PCDHGA11: variants seen among roughly 807,000 people sequenced by gnomAD.
PCDHGA11 encodes the protein protocadherin gamma subfamily A, 11, also known as protocadherin gamma-A11.
PCDHGA11 carries 39 observed loss-of-function variants against 60.4 expected under a neutral mutation model. The observed-to-expected ratio is 0.65, with a 90% CI of 0.50 to 0.84. The LOEUF (loss-of-function observed/expected upper bound fraction) is 0.84, where lower values mean the gene tolerates loss of function less well. Ranked by LOEUF, PCDHGA11 falls within the 40% of genes least tolerant of loss-of-function variation. The pLI is 0.00. For synonymous variants in PCDHGA11, 533 were observed against 510.3 expected (o/e 1.04, Z -0.60); for missense variants, 1,165 against 1,197.7 (o/e 0.97, Z 0.40).
chr5:141,490,623 T>C lies in PCDHGA11; in HGVS notation c.2434-4184T>C. The C allele has an allele frequency of 3.1e-6, 5 of 1,614,174 alleles. No individual in the cohort carries two copies. The highest frequency in any genetic ancestry group is 4.2e-6 in the Non-Finnish European group (5 of 1,180,020). ...GCTTCAACCAGCAGCTTTACACTGC[T>C]TACATCCTAGAAAACCGGCCTCCGG... On this transcript the variant is annotated intron_variant, in intron 1 of 3. Coordinates refer to ENST00000398587, the MANE Select transcript of PCDHGA11 (RefSeq NM_018914.3). This position sits in a 1 kb window ranked among gnomAD's most constrained non-coding sequence, Gnocchi z 5.4.
Position 141,491,034 on chromosome 5 carries a change from T to C in PCDHGA11, c.2434-3773T>C, listed in dbSNP as rs375902824. On this transcript the variant is annotated intron_variant, in intron 1 of 3. Coordinates refer to ENST00000398587, the MANE Select transcript of PCDHGA11 (RefSeq NM_018914.3). The surrounding 1 kb of genome is among the most constrained non-coding windows in gnomAD (Gnocchi z 6.9). The stretch of plus-strand genomic sequence containing the variant: ...CCAAGGTGACAGCCGTGGATGCTGA[T>C]GCAGGCCACAATGCGTGGCTCTCCT... 19 of 1,614,170 alleles carry C rather than the reference T, an allele frequency of 1.2e-5. No homozygotes were observed. Among genetic ancestry groups the C allele is most frequent in the East Asian group, 4.5e-5 (2 of 44,894 alleles).
intron 1 of PCDHGA11, chr5:141,433,063 G>T (rs1411651811): frequency 3.1e-6 from 5 of 1,614,176 alleles, no homozygotes; most frequent in Non-Finnish European, 4.2e-6. Flanking sequence ...AGAGTCACCT[G>T]ATCTTCCCCC....
chr5:141,429,169 T>TACACACACACACACAC (rs10667977), intron 1 of PCDHGA11: 2 of 145,394 alleles, frequency 1.4e-5, no homozygotes, highest in East Asian at 2.0e-4. Flanking sequence ...ACATTGTTTA[T>TACACACACACACACAC]ACACACACAC....
chr5:141,431,020 G>A lies in PCDHGA11; in HGVS notation c.2433+7360G>A, dbSNP rs941765907. On this transcript the variant is annotated intron_variant, in intron 1 of 3. Transcript: ENST00000398587. This position sits in a 1 kb window ranked among gnomAD's most constrained non-coding sequence, Gnocchi z 4.8. ...CGCGCAGCGGCAGCTTGGTCACGGC[G>A]GGCAGGATAGACCGGGAGGAGCTCT... The A allele has an allele frequency of 9.9e-6, 16 of 1,614,050 alleles. No homozygotes were observed. Among genetic ancestry groups the A allele is most frequent in the East Asian group, 4.5e-5 (2 of 44,886 alleles).
chr5:141,489,732 C>CA lies in PCDHGA11; in HGVS notation c.2434-5073dup, dbSNP rs770971020. On this transcript the variant is annotated intron_variant, in intron 1 of 3. Transcript: ENST00000398587. This position sits in a 1 kb window ranked among gnomAD's most constrained non-coding sequence, Gnocchi z 4.5. ...GTGCCCAGGATCCGGATGTGGGCAC[C>CA]AATACTGTGAGCTTTTACACTCTAA... 4.3e-6 allele frequency: 7 copies of CA among 1,614,008 alleles called. No individual in the cohort carries two copies. Among genetic ancestry groups the CA allele is most frequent in the Non-Finnish European group, 5.9e-6 (7 of 1,180,002 alleles).
At chr5:141,428,117 G>T in intron 1 of PCDHGA11, 2 of 1,607,102 alleles carry the variant, frequency 1.2e-6, no homozygotes, top group East Asian at 2.2e-5. Context: ...AGGCCATCGA[G>T]CCCGGGCTTT....
In PCDHGA11 at chr5:141,476,824, C is replaced by A; in HGVS notation, c.2434-17983C>A. On this transcript the variant is annotated intron_variant, in intron 1 of 3. Coordinates refer to ENST00000398587, the MANE Select transcript of PCDHGA11 (RefSeq NM_018914.3). This position sits in a 1 kb window ranked among gnomAD's most constrained non-coding sequence, Gnocchi z 7.6. Reference sequence around the variant, plus strand: ...TGCCTATTCACATCAAGGTGCTGGACGCGAATGACAATGCGCCTGTCTTCA... The same window carrying A: ...TGCCTATTCACATCAAGGTGCTGGAAGCGAATGACAATGCGCCTGTCTTCA... The A allele has an allele frequency of 1.2e-6, 2 of 1,613,588 alleles. No individual in the cohort carries two copies. The highest frequency in any genetic ancestry group is 1.7e-6 in the Non-Finnish European group (2 of 1,180,036).
intron 1 of PCDHGA11, chr5:141,427,619 C>T: frequency 1.4e-6 from 1 of 696,342 alleles, no homozygotes; most frequent in Non-Finnish European, 2.6e-6. Context: ...AAGTCAACGA[C>T]AATGCTCCGG....
rs1561856520 is a variant in PCDHGA11 at position 141,431,983 on chromosome 5, A to C, written c.2433+8323A>C. 3.1e-6 allele frequency: 5 copies of C among 1,614,242 alleles called. No homozygotes were observed. Among genetic ancestry groups the C allele is most frequent in the Non-Finnish European group, 4.2e-6 (5 of 1,180,036 alleles). ...ATTACTATAGTTTAGTCACAGACAT[A>C]GTCTTGGATAGGGAACAGGTTCCTA... On this transcript the variant is annotated intron_variant, in intron 1 of 3. Coordinates refer to ENST00000398587, the MANE Select transcript of PCDHGA11 (RefSeq NM_018914.3). The surrounding 1 kb of genome is among the most constrained non-coding windows in gnomAD (Gnocchi z 4.8).
chr5:141,476,535 T>C lies in PCDHGA11; in HGVS notation c.2434-18272T>C. 5 of 1,614,038 alleles carry C rather than the reference T, an allele frequency of 3.1e-6. No individual in the cohort carries two copies. The highest frequency in any genetic ancestry group is 4.2e-6 in the Non-Finnish European group (5 of 1,180,010). On this transcript the variant is annotated intron_variant, in intron 1 of 3. Coordinates refer to ENST00000398587, the MANE Select transcript of PCDHGA11 (RefSeq NM_018914.3). The surrounding 1 kb of genome is among the most constrained non-coding windows in gnomAD (Gnocchi z 7.6). ...AATCCTGCTTTCCCTACCCAGGAAA[T>C]GAAATTGGAGATTAGCGAGGCCGTG...
intron 1 of PCDHGA11, among the ~76,000 whole-genome samples, chr5:141,474,705 A>C (rs114026580): frequency 0.01 from 1,561 of 152,324 alleles, 35 homozygotes; most frequent in African/African-American, 0.035. Context: ...TCAAGGTTCT[A>C]TTATACTTCA....
intron 3 of PCDHGA11, chr5:141,507,213 G>C (rs1016967764): frequency 6.6e-6 from 1 of 152,558 alleles, no homozygotes; most frequent in African/African-American, 2.4e-5. Context: ...AGGGTTGCCA[G>C]ATAAAATACA....
chr5:141,423,090 G>A lies in PCDHGA11; in HGVS notation c.1863G>A (p.Gly621=). ...KASEPGLFAV[G]EHTGEVRTAR... ...GCGAGCCGGGACTCTTCGCGGTGGGGGAGCACACGGGCGAGGTGCGTACAG... is the reference window on the plus strand; with the variant it reads ...GCGAGCCGGGACTCTTCGCGGTGGGAGAGCACACGGGCGAGGTGCGTACAG... Residue 621 remains glycine, a synonymous_variant, in exon 1 of 4, where the codon GGG becomes GGA. Transcript: ENST00000398587. 2 of 1,614,022 alleles carry A rather than the reference G, an allele frequency of 1.2e-6. No individual in the cohort carries two copies. Among genetic ancestry groups the A allele is most frequent in the Non-Finnish European group, 1.7e-6 (2 of 1,180,014 alleles).
At position 141,486,038 on chromosome 5, in the gene PCDHGA11, G is replaced by T; in HGVS notation, c.2434-8769G>T. The stretch of plus-strand genomic sequence containing the variant: ...TTTCAGTGGTCATACCCCTGATCGT[G>T]TAAGAAACCTCTTTAGCCTGCACCC... On this transcript the variant is annotated intron_variant, in intron 1 of 3. Coordinates refer to ENST00000398587, the MANE Select transcript of PCDHGA11 (RefSeq NM_018914.3). This position sits in a 1 kb window ranked among gnomAD's most constrained non-coding sequence, Gnocchi z 5.0. The T allele has an allele frequency of 3.1e-6, 5 of 1,614,184 alleles. No individual in the cohort carries two copies. Among genetic ancestry groups the T allele is most frequent in the Non-Finnish European group, 4.2e-6 (5 of 1,180,018 alleles).
chr5:141,466,099 G>A (rs879849411), intron 1 of PCDHGA11, among the ~76,000 whole-genome samples: 2 of 151,938 alleles, frequency 1.3e-5, no homozygotes, highest in Non-Finnish European at 2.9e-5. Context: ...TCCAGCCTGG[G>A]CAACAGAGTG....
At chr5:141,444,152 ATTTTTTTTTTTTTTTTTTT>A (rs747671382) in intron 1 of PCDHGA11, among the ~76,000 whole-genome samples, 14 of 33,898 alleles carry the variant, frequency 4.1e-4, no homozygotes, top group South Asian at 3.1e-3. Flanking sequence ...TGTGTACTGG[ATTTTTTTTTTTTTTTTTTT>A]TTTTTTTTTT....
In PCDHGA11 at chr5:141,486,885, G is replaced by C. The variant is rs139638334; in HGVS notation, c.2434-7922G>C. 1.2e-6 allele frequency: 2 copies of C among 1,614,076 alleles called. No individual in the cohort carries two copies. Among genetic ancestry groups the C allele is most frequent in the East Asian group, 4.5e-5 (2 of 44,892 alleles). On this transcript the variant is annotated intron_variant, in intron 1 of 3. Coordinates refer to ENST00000398587, the MANE Select transcript of PCDHGA11 (RefSeq NM_018914.3). This position sits in a 1 kb window ranked among gnomAD's most constrained non-coding sequence, Gnocchi z 5.0. ...CCAGCTGTGCTCCGTCCTCGGGCCC[G>C]GCCTGGTTCCTTATGTCCCCAAGCA...
intron 1 of PCDHGA11, among the ~76,000 whole-genome samples, chr5:141,472,742 T>C (rs926507203): frequency 2.0e-5 from 3 of 151,762 alleles, no homozygotes; most frequent in Non-Finnish European, 4.4e-5. Flanking sequence ...TCCCAGCACT[T>C]TGGGAGGCGG....
chr5:141,433,802 A>G (rs2097651656), intron 1 of PCDHGA11, among the ~76,000 whole-genome samples: 1 of 149,280 alleles, frequency 6.7e-6, no homozygotes, highest in Non-Finnish European at 1.5e-5. Flanking sequence ...GTGCCATTGC[A>G]CTCCAGCCTG....
Sources: allele counts gnomAD v4.1 joint callset (sites outside exome capture counted in the v4.1 genomes callset), GRCh38; gene constraint gnomAD v4.1.1; non-coding constraint Gnocchi (gnomAD v3.1); transcripts MANE v1.5; gene names NCBI Gene and HGNC (gene_info 2026-07-23, HGNC 2026-07-21).